The following NSFL1C variants were observed in gnomAD, a reference collection of about 807,000 sequenced individuals.
NSFL1C encodes the protein NSFL1 cofactor, also known as NSFL1 cofactor p47.
In NSFL1C, 14 loss-of-function variants were observed where a neutral mutation model predicts 43.1. The observed-to-expected ratio is 0.32, with a 90% CI of 0.21 to 0.51. The LOEUF (loss-of-function observed/expected upper bound fraction) is 0.51. NSFL1C is among the 20% of genes least tolerant of loss of function. NSFL1C has a pLI of 0.98. For missense variants in NSFL1C, 406 were observed against 472.5 expected, an observed-to-expected ratio of 0.86 and a Z score of 1.30; for synonymous variants, 171 against 183.5, an observed-to-expected ratio of 0.93 and a Z score of 0.55.
chr20:1,455,837 CACCTT>C (rs765734224), intron 3 of NSFL1C: 1 of 750,546 alleles, frequency 1.3e-6, no homozygotes, highest in Non-Finnish European at 2.5e-6. Flanking sequence ...AGCCTCACCT[CACCTT>C]GCCATTCATG....
chr20:1,454,743 T>A (rs2090260081), intron 4 of NSFL1C, among the ~76,000 whole-genome samples: 1 of 152,202 alleles, frequency 6.6e-6, no homozygotes, highest in African/African-American at 2.4e-5. Context: ...ACAAAACATG[T>A]ATGCAGAACC....
intron 2 of NSFL1C, among the ~76,000 whole-genome samples, chr20:1,461,269 A>G (rs1018351056): frequency 2.6e-5 from 4 of 152,204 alleles, no homozygotes; most frequent in Non-Finnish European, 5.9e-5. Flanking sequence ...ACCCAGTAGT[A>G]CATGGATATA....
At chr20:1,460,973 G>A (rs931728449) in intron 2 of NSFL1C, among the ~76,000 whole-genome samples, 1 of 152,198 alleles carries the variant, frequency 6.6e-6, no homozygotes, top group African/African-American at 2.4e-5. Flanking sequence ...AGCAGAAGCA[G>A]CTTTGGACTT....
At chr20:1,446,767 T>C (rs2090068410) in intron 7 of NSFL1C, among the ~76,000 whole-genome samples, 1 of 152,184 alleles carries the variant, frequency 6.6e-6, no homozygotes, top group South Asian at 2.1e-4. Context: ...GTCTTTCTCT[T>C]AGCAGATGAC....
At chr20:1,466,634 G>T in intron 1 of NSFL1C, 86 bp downstream of exon 1, 1 of 1,305,836 alleles carries the variant, frequency 7.7e-7, no homozygotes, top group Non-Finnish European at 1.1e-6. Flanking sequence ...ATGACTGTGC[G>T]CTTCGGCCGC....
chr20:1,444,433 A>G (rs910620), intron 8 of NSFL1C, among the ~76,000 whole-genome samples: 102,221 of 152,154 alleles, frequency 0.67, 35,263 homozygotes, highest in African/African-American at 0.83. Context: ...TCTTTTGTAT[A>G]TCACAGGAGG....
Position 1,455,074 on chromosome 20 carries a change from T to C in NSFL1C, c.337A>G (p.Lys113Glu). The C allele has an allele frequency of 6.2e-7, 1 of 1,614,186 alleles. No individual in the cohort carries two copies. The highest frequency in any genetic ancestry group is 8.5e-7 in the Non-Finnish European group (1 of 1,180,022). Reference protein sequence around the residue: ...GQQIVGPPRKKSPNELVDDLF... With the variant: ...GQQIVGPPRKESPNELVDDLF... ...TCATCCACCAGCTCGTTGGGACTTTTCTTCCTGGGAGGGCCAACAATCTGC... is the reference window on the plus strand; with the variant it reads ...TCATCCACCAGCTCGTTGGGACTTTCCTTCCTGGGAGGGCCAACAATCTGC... Residue 113 changes from lysine to glutamate, a missense_variant, in exon 4 of 9, where the codon AAA becomes GAA. By Grantham distance (56) the Lys-to-Glu change is moderately conservative (BLOSUM62 1). Around this residue, in one of 3 missense-constraint regions of NSFL1C, gnomAD observed 203 missense variants for 216.3 expected, o/e 0.94. Coordinates refer to ENST00000216879, the MANE Select transcript of NSFL1C (RefSeq NM_016143.5).
intron 7 of NSFL1C, among the ~76,000 whole-genome samples, chr20:1,448,434 G>C (rs1459484593): frequency 6.6e-6 from 1 of 152,198 alleles, no homozygotes; most frequent in Non-Finnish European, 1.5e-5. Context: ...CTGGTATTTA[G>C]GAAATCCTCC....
At position 1,454,171 on chromosome 20, in the gene NSFL1C, ACAGTCCACAAGCTTCCCTCATGGGAAGG is replaced by A. The variant is rs1352971126; in HGVS notation, c.537+14_537+41del. Reference sequence around the variant, plus strand: ...CCAATCCCTTCAGAAAAATGGCAGAACAGTCCACAAGCTTCCCTCATGGGAAGGTGGATGCACTCACATCTTGGCTGGA... The same window carrying A: ...CCAATCCCTTCAGAAAAATGGCAGAATGGATGCACTCACATCTTGGCTGGA... On this transcript the variant is annotated intron_variant, in intron 5 of 8. Coordinates refer to ENST00000216879, the MANE Select transcript of NSFL1C (RefSeq NM_016143.5). 1.3e-6 allele frequency: 2 copies of A among 1,497,310 alleles called. No homozygotes were observed. Among genetic ancestry groups the A allele is most frequent in the East Asian group, 4.5e-5 (2 of 44,360 alleles). The allele number at this position is 1,497,310 out of a possible 1,614,324, so 92.8% of individuals were successfully genotyped here.
chr20:1,464,358 G>C lies in NSFL1C; in HGVS notation c.174C>G (p.Pro58=). ...EDIVTISQAT[P]SSVSRGTAPS... is the part of the protein sequence containing the mutation. Reference sequence around the variant, plus strand: ...GGGCTGTGCCTCTGGACACTGAACTGGGGGTTGCCTGCGAAATGGTCACAA... The same window carrying C: ...GGGCTGTGCCTCTGGACACTGAACTCGGGGTTGCCTGCGAAATGGTCACAA... The change falls in exon 2 of 9, where the codon CCC becomes CCG. Residue 58 remains proline (P), a synonymous_variant. Coordinates refer to ENST00000216879, the MANE Select transcript of NSFL1C (RefSeq NM_016143.5). 6.2e-7 allele frequency: 1 copy of C among 1,614,234 alleles called. No homozygotes were observed. Among genetic ancestry groups the C allele is most frequent in the Non-Finnish European group, 8.5e-7 (1 of 1,180,032 alleles).
rs1338008087 is a variant in NSFL1C, at chr20:1,458,270, T to C, written c.208A>G (p.Asn70Asp). Residue 70 changes from asparagine (N) to aspartate (D), a missense_variant, in exon 3 of 9, where the codon AAT becomes GAT. This residue lies in a region of NSFL1C where 203 missense variants were observed against 216.3 expected (regional missense o/e 0.94). Transcript: ENST00000216879. ...AGGTCTCTGAAGGATGTCACTCTATTATCACTGGAGACACAGAAAGGAGCA... is the reference window on the plus strand; with the variant it reads ...AGGTCTCTGAAGGATGTCACTCTATCATCACTGGAGACACAGAAAGGAGCA... Reference protein sequence around the residue: ...SVSRGTAPSDNRVTSFRDLIH... With the variant: ...SVSRGTAPSDDRVTSFRDLIH... 1.9e-6 allele frequency: 3 copies of C among 1,613,454 alleles called. No individual in the cohort carries two copies. Among genetic ancestry groups the C allele is most frequent in the African/African-American group, 1.3e-5 (1 of 75,004 alleles).
At chr20:1,449,238 A>C (rs1255111072) in intron 7 of NSFL1C, among the ~76,000 whole-genome samples, 1 of 146,352 alleles carries the variant, frequency 6.8e-6, no homozygotes, top group Non-Finnish European at 1.5e-5. Flanking sequence ...AAAACACTCG[A>C]CTAACTAATT....
In NSFL1C at chr20:1,458,276, T is replaced by C. The variant is rs1339663899; in HGVS notation, c.204-2A>G. ...CTGAAGGATGTCACTCTATTATCAC[T>C]GGAGACACAGAAAGGAGCAAAATGA... On this transcript the variant is annotated splice_acceptor_variant, in intron 2 of 8. Coordinates refer to ENST00000216879, the MANE Select transcript of NSFL1C (RefSeq NM_016143.5). LOFTEE classifies it high-confidence loss of function. 2 of 1,613,018 alleles carry C rather than the reference T, an allele frequency of 1.2e-6. No homozygotes were observed. Among genetic ancestry groups the C allele is most frequent in the East Asian group, 4.5e-5 (2 of 44,856 alleles).
chr20:1,466,783 C>T lies in NSFL1C; in HGVS notation c.42G>A (p.Ala14=). Residue 14 remains alanine, a synonymous_variant, in exon 1 of 9, where the codon GCG becomes GCA. Coordinates refer to ENST00000216879, the MANE Select transcript of NSFL1C (RefSeq NM_016143.5). ...ERQEALREFV[A]VTGAEEDRAR... Reference sequence around the variant, plus strand: ...CCCGGTCCTCCTCGGCGCCCGTCACCGCCACGAACTCCCTCAGCGCCTCCT... The same window carrying T: ...CCCGGTCCTCCTCGGCGCCCGTCACTGCCACGAACTCCCTCAGCGCCTCCT... The T allele has an allele frequency of 6.4e-7, 1 of 1,563,480 alleles. No individual in the cohort carries two copies. The highest frequency in any genetic ancestry group is 8.6e-7 in the Non-Finnish European group (1 of 1,157,468).
intron 7 of NSFL1C, among the ~76,000 whole-genome samples, chr20:1,450,649 G>A (rs924218466): frequency 3.9e-5 from 6 of 152,162 alleles, no homozygotes; most frequent in Admixed American, 2.6e-4. Flanking sequence ...CTTGTAACTG[G>A]TGGTGGGCAT....
chr20:1,457,347 T>C (rs1321570605), intron 3 of NSFL1C, among the ~76,000 whole-genome samples: 2 of 152,222 alleles, frequency 1.3e-5, no homozygotes, highest in African/African-American at 2.4e-5. Context: ...ACTTATGGTG[T>C]ACAAAGTGAT....
chr20:1,463,845 T>A (rs1372548121), intron 2 of NSFL1C: 1 of 154,108 alleles, frequency 6.5e-6, no homozygotes, highest in Admixed American at 6.5e-5. Flanking sequence ...ATTGCAAAGG[T>A]TAACACTGTT....
intron 8 of NSFL1C, 112 bp downstream of exon 8, chr20:1,445,554 C>T (rs2090039807): frequency 2.4e-6 from 3 of 1,252,314 alleles, no homozygotes; most frequent in Non-Finnish European, 3.4e-6. Context: ...TTGGGGAAAG[C>T]ATGGAGTGCC....
chr20:1,457,171 T>A (rs2090319668), intron 3 of NSFL1C: 1 of 152,214 alleles, frequency 6.6e-6, no homozygotes, highest in South Asian at 2.1e-4. Flanking sequence ...ATAAGCCTAT[T>A]ATTCTGTTTT....
Sources: gnomAD v4.1 joint callset for allele counts (sites outside exome capture counted in the v4.1 genomes callset) on GRCh38, gnomAD v4.1.1 for gene constraint, gnomAD v4.1.1 regional missense constraint, MANE v1.5 for transcripts, NCBI Gene and HGNC (gene_info 2026-07-23, HGNC 2026-07-21) for gene names.